GADD45B: variants seen among roughly 807,000 people sequenced by gnomAD.
The protein encoded by GADD45B is growth arrest and DNA damage-inducible protein GADD45 beta.
Under a neutral mutation model 15.2 loss-of-function variants are expected in GADD45B, and 8 were observed. The observed-to-expected ratio is 0.53, with a 90% CI of 0.31 to 0.95. The LOEUF (loss-of-function observed/expected upper bound fraction) is 0.95. Among genes scored for constraint, GADD45B ranks in the 40% least tolerant of loss-of-function variants. The probability of loss-of-function intolerance (pLI) is 0.05; values close to 1 mark genes in which losing one functional copy is unlikely to be tolerated. For missense variants in GADD45B, 162 were observed against 216.6 expected (o/e 0.75, Z 1.58); for synonymous variants, 100 against 89.8 (o/e 1.11, Z -0.64).
Position 2,476,313 on chromosome 19 carries a change from T to G in GADD45B, c.-46T>G. 1.2e-6 allele frequency: 2 copies of G among 1,603,828 alleles called. No individual in the cohort carries two copies. Among genetic ancestry groups the G allele is most frequent in the South Asian group, 1.1e-5 (1 of 90,856 alleles). ...TGGCTCGGATTTTGCAATTTCTCCC[T>G]GGGGACTGCCGTGGAGCCGCATCCA... is the stretch of plus-strand genomic sequence containing the variant. On this transcript the variant is annotated 5_prime_UTR_variant, in exon 1 of 4. Transcript: ENST00000215631.
chr19:2,476,357 A>G lies in GADD45B; in HGVS notation c.-2A>G, dbSNP rs562360022. The G allele has an allele frequency of 3.1e-6, 5 of 1,613,878 alleles. No homozygotes were observed. The highest frequency in any genetic ancestry group is 4.2e-6 in the Non-Finnish European group (5 of 1,179,980). Reference sequence around the variant, plus strand: ...GCATCCACTGTGGATTATAATTGCAACATGACGCTGGAAGAGCTCGTGGCG... The same window carrying G: ...GCATCCACTGTGGATTATAATTGCAGCATGACGCTGGAAGAGCTCGTGGCG... On this transcript the variant is annotated 5_prime_UTR_variant, in exon 1 of 4. Transcript: ENST00000215631.
chr19:2,477,449 AG>A lies in GADD45B; in HGVS notation c.370-36del. 1.4e-6 allele frequency: 2 copies of A among 1,393,850 alleles called. No homozygotes were observed. The highest frequency in any genetic ancestry group is 2.0e-6 in the Non-Finnish European group (2 of 986,818). The allele number at this position is 1,393,850 out of a possible 1,614,324, so 86.3% of individuals were successfully genotyped here. On this transcript the variant is annotated intron_variant, in intron 3 of 3. Coordinates refer to ENST00000215631, the MANE Select transcript of GADD45B (RefSeq NM_015675.4). The surrounding 1 kb of genome is among the most constrained non-coding windows in gnomAD (Gnocchi z 4.2). ...TTTCCCCACACAGGGGCCCCGGGAG[AG>A]GGAGGCTCCACTAAACCCCTTCTTT... is the stretch of plus-strand genomic sequence containing the variant.
In GADD45B at chr19:2,477,726, G is replaced by A. The variant is rs1472695205; in HGVS notation, c.*125G>A. 10 of 568,938 alleles carry A rather than the reference G, an allele frequency of 1.8e-5. No homozygotes were observed. Among genetic ancestry groups the A allele is most frequent in the African/African-American group, 5.7e-5 (3 of 52,370 alleles). 35.2% of individuals were successfully genotyped at this position (568,938 alleles called of 1,614,324 possible). A position where few individuals can be genotyped will look rare whatever the true frequency, so the allele number is the denominator to read the frequency against. On this transcript the variant is annotated 3_prime_UTR_variant, in exon 4 of 4. Coordinates refer to ENST00000215631, the MANE Select transcript of GADD45B (RefSeq NM_015675.4). This position sits in a 1 kb window ranked among gnomAD's most constrained non-coding sequence, Gnocchi z 4.2. ...ACCCAACCCACGAGGACCATCGGGGGCAGAGTCGTTGGAGACTGAAGAGGA... is the reference window on the plus strand; with the variant it reads ...ACCCAACCCACGAGGACCATCGGGGACAGAGTCGTTGGAGACTGAAGAGGA...
rs1972314808 is a variant in GADD45B at position 2,476,461 on chromosome 19, GC to G, written c.44+61del. On this transcript the variant is annotated intron_variant, in intron 1 of 3. Coordinates refer to ENST00000215631, the MANE Select transcript of GADD45B (RefSeq NM_015675.4). ...GCCGGGACGGGATGGGTCGGGTTGGGCCGGGCCGGGAGCGGAACGTAGCACC... is the reference window on the plus strand; with the variant it reads ...GCCGGGACGGGATGGGTCGGGTTGGGCGGGCCGGGAGCGGAACGTAGCACC... 26 of 1,603,040 alleles carry G rather than the reference GC, an allele frequency of 1.6e-5. No homozygotes were observed. In the South Asian group the frequency reaches 2.4e-4, roughly 15 times the overall value.
In GADD45B at chr19:2,477,823, G is replaced by C. The variant is rs1972341899; in HGVS notation, c.*222G>C. ...TCCAGGAGCTGGCGGCCGCCGATCC[G>C]ATGGAGAAGGGGGGACCCAGGCCAG... is the stretch of plus-strand genomic sequence containing the variant. On this transcript the variant is annotated 3_prime_UTR_variant, in exon 4 of 4. Coordinates refer to ENST00000215631, the MANE Select transcript of GADD45B (RefSeq NM_015675.4). This position sits in a 1 kb window ranked among gnomAD's most constrained non-coding sequence, Gnocchi z 4.2. 7.2e-6 allele frequency: 3 copies of C among 415,084 alleles called. No individual in the cohort carries two copies. Among genetic ancestry groups the C allele is most frequent in the Non-Finnish European group, 1.3e-5 (3 of 223,540 alleles). 25.7% of individuals were successfully genotyped at this position (415,084 alleles called of 1,614,324 possible). A position where few individuals can be genotyped will look rare whatever the true frequency, so the allele number is the denominator to read the frequency against.
rs144556033 is a variant in GADD45B, at chr19:2,477,502, C to T, written c.384C>T (p.Asp128=). 1.9e-4 allele frequency: 300 copies of T among 1,612,178 alleles called. 2 individuals are homozygous for T. In the African/African-American group the frequency reaches 3.7e-3, roughly 20 times the overall value. The part of the protein sequence containing the change: ...HCLLVTNPHT[D]AWKSHGLVEV... ...CCCTCCTACAGAACCCTCACACGGA[C>T]GCCTGGAAGAGCCACGGCTTGGTGG... is the stretch of plus-strand genomic sequence containing the variant. Residue 128 remains aspartate, a synonymous_variant, in exon 4 of 4, where the codon GAC becomes GAT. Coordinates refer to ENST00000215631, the MANE Select transcript of GADD45B (RefSeq NM_015675.4). The surrounding 1 kb of genome is among the most constrained non-coding windows in gnomAD (Gnocchi z 4.2).
chr19:2,477,565 C>A lies in GADD45B; in HGVS notation c.447C>A (p.Asn149Lys). 6.2e-7 allele frequency: 1 copy of A among 1,612,018 alleles called. No individual in the cohort carries two copies. Among genetic ancestry groups the A allele is most frequent in the Non-Finnish European group, 8.5e-7 (1 of 1,178,140 alleles). Residue 149 changes from asparagine (N) to lysine (K), a missense_variant, in exon 4 of 4, where the codon AAC becomes AAA. Asn to Lys is a moderately conservative substitution (Grantham distance 94). Transcript: ENST00000215631. This position sits in a 1 kb window ranked among gnomAD's most constrained non-coding sequence, Gnocchi z 4.2. The part of the protein sequence containing the change: ...ASYCEESRGN[N>K]QWVPYISLQE... Reference sequence around the variant, plus strand: ...ACTGCGAAGAAAGCCGGGGCAACAACCAGTGGGTCCCCTACATCTCTCTTC... The same window carrying A: ...ACTGCGAAGAAAGCCGGGGCAACAAACAGTGGGTCCCCTACATCTCTCTTC...
Position 2,476,149 on chromosome 19 carries a change from C to G in GADD45B, c.-210C>G. ...CTCAGATCGCCGAAGCGTCGGACTACCGTTGGTTTCCGCAACTTCCTGGAT... is the reference window on the plus strand; with the variant it reads ...CTCAGATCGCCGAAGCGTCGGACTAGCGTTGGTTTCCGCAACTTCCTGGAT... On this transcript the variant is annotated 5_prime_UTR_variant, in exon 1 of 4. Coordinates refer to ENST00000215631, the MANE Select transcript of GADD45B (RefSeq NM_015675.4). The G allele has an allele frequency of 3.3e-6, 2 of 609,476 alleles. No individual in the cohort carries two copies. The highest frequency in any genetic ancestry group is 2.9e-6 in the Non-Finnish European group (1 of 341,662). 37.8% of individuals were successfully genotyped at this position (609,476 alleles called of 1,614,324 possible). A position where few individuals can be genotyped will look rare whatever the true frequency, so the allele number is the denominator to read the frequency against.
chr19:2,477,138 G>A lies in GADD45B; in HGVS notation c.256G>A (p.Asp86Asn). 6.2e-7 allele frequency: 1 copy of A among 1,613,814 alleles called. No individual in the cohort carries two copies. Among genetic ancestry groups the A allele is most frequent in the Non-Finnish European group, 8.5e-7 (1 of 1,179,924 alleles). ...TLIQSFCCDN[D>N]INIVRVSGMQ... The stretch of plus-strand genomic sequence containing the variant: ...CATCCAGTCCTTCTGCTGTGACAAC[G>A]ACATCAACATCGTGCGGGTGTCGGG... Residue 86 changes from aspartate to asparagine, a missense_variant, in exon 3 of 4, where the codon GAC becomes AAC. By Grantham distance (23) the Asp-to-Asn change is conservative. Transcript: ENST00000215631. The surrounding 1 kb of genome is among the most constrained non-coding windows in gnomAD (Gnocchi z 4.2).
At position 2,477,384 on chromosome 19, in the gene GADD45B, GGGGC is replaced by G; in HGVS notation, c.370-103_370-100del. 1 of 1,006,898 alleles carries G rather than the reference GGGGC, an allele frequency of 9.9e-7. No homozygotes were observed. Among genetic ancestry groups the G allele is most frequent in the Non-Finnish European group, 1.5e-6 (1 of 676,162 alleles). 62.4% of individuals were successfully genotyped at this position (1,006,898 alleles called of 1,614,324 possible). A position where few individuals can be genotyped will look rare whatever the true frequency, so the allele number is the denominator to read the frequency against. On this transcript the variant is annotated intron_variant, in intron 3 of 3. Coordinates refer to ENST00000215631, the MANE Select transcript of GADD45B (RefSeq NM_015675.4). The surrounding 1 kb of genome is among the most constrained non-coding windows in gnomAD (Gnocchi z 4.2). ...GGCATGTCCCGTGGGCAGCCGGGCT[GGGGC>G]CTCCTCACCCAGGAAGCTATTTTGA...
At position 2,476,415 on chromosome 19, in the gene GADD45B, G is replaced by A. The variant is rs567433567; in HGVS notation, c.44+13G>A. 33 of 1,612,944 alleles carry A rather than the reference G, an allele frequency of 2.0e-5. No individual in the cohort carries two copies. The highest frequency in any genetic ancestry group is 1.7e-4 in the Middle Eastern group (1 of 6,058). On this transcript the variant is annotated intron_variant, in intron 1 of 3. Transcript: ENST00000215631. The stretch of plus-strand genomic sequence containing the variant: ...ACGCGGCGCAGAAGTAAGTAGCCGG[G>A]GCTGCCGCCGCCTGAGGTCAGCCGG...
chr19:2,476,520 T>A lies in GADD45B; in HGVS notation c.45-9T>A. On this transcript the variant is annotated splice_polypyrimidine_tract_variant and intron_variant, in intron 1 of 3. Transcript: ENST00000215631. The stretch of plus-strand genomic sequence containing the variant: ...CCGCCCGTCACTGATCCCTCTTTCC[T>A]GGTCTCAGGATGCAGACGGTGACCG... The A allele has an allele frequency of 6.2e-7, 1 of 1,607,012 alleles. No individual in the cohort carries two copies. The highest frequency in any genetic ancestry group is 8.5e-7 in the Non-Finnish European group (1 of 1,175,006).
Position 2,476,276 on chromosome 19 carries a change from T to C in GADD45B, c.-83T>C. 7.4e-7 allele frequency: 1 copy of C among 1,353,238 alleles called. No individual in the cohort carries two copies. The highest frequency in any genetic ancestry group is 1.1e-6 in the Non-Finnish European group (1 of 943,448). 83.8% of individuals were successfully genotyped at this position (1,353,238 alleles called of 1,614,324 possible). A position where few individuals can be genotyped will look rare whatever the true frequency, so the allele number is the denominator to read the frequency against. ...CGAGCGCTCTAGCTCTGTGGGAAGG[T>C]TTTGGGCTCTCTGGCTCGGATTTTG... On this transcript the variant is annotated 5_prime_UTR_variant, in exon 1 of 4. Transcript: ENST00000215631.
rs1599353760 is a variant in GADD45B, at chr19:2,476,895, G to A, written c.147-134G>A. 5 of 623,100 alleles carry A rather than the reference G, an allele frequency of 8.0e-6. No homozygotes were observed. In the Admixed American group the frequency reaches 8.5e-5, roughly 11 times the overall value. 38.6% of individuals were successfully genotyped at this position (623,100 alleles called of 1,614,324 possible). On this transcript the variant is annotated intron_variant, in intron 2 of 3. Transcript: ENST00000215631. ...CCCTCCCCTCCCCCCACCGTCACCA[G>A]CTTGCAGAGGCAATCCCCTGCACCC...
At position 2,477,227 on chromosome 19, in the gene GADD45B, A is replaced by T; in HGVS notation, c.345A>T (p.Arg115=). The T allele has an allele frequency of 6.3e-7, 1 of 1,593,804 alleles. No individual in the cohort carries two copies. The highest frequency in any genetic ancestry group is 8.5e-7 in the Non-Finnish European group (1 of 1,173,344). The part of the protein sequence containing the change: ...PAETQGTTEA[R]DLHCLLVTNP... ...AGACCCAGGGCACCACCGAGGCCCGAGACCTGCATTGTCTCCTGGTCACGG... is the reference window on the plus strand; with the variant it reads ...AGACCCAGGGCACCACCGAGGCCCGTGACCTGCATTGTCTCCTGGTCACGG... The change falls in exon 3 of 4, where the codon CGA becomes CGT. Residue 115 remains arginine (R), a synonymous_variant. Coordinates refer to ENST00000215631, the MANE Select transcript of GADD45B (RefSeq NM_015675.4). This position sits in a 1 kb window ranked among gnomAD's most constrained non-coding sequence, Gnocchi z 4.2.
At position 2,477,452 on chromosome 19, in the gene GADD45B, G is replaced by C. The variant is rs769700186; in HGVS notation, c.370-36G>C. The C allele has an allele frequency of 7.1e-7, 1 of 1,414,184 alleles. No homozygotes were observed. The highest frequency in any genetic ancestry group is 1.0e-6 in the Non-Finnish European group (1 of 1,004,084). The allele number at this position is 1,414,184 out of a possible 1,614,324, so 87.6% of individuals were successfully genotyped here. On this transcript the variant is annotated intron_variant, in intron 3 of 3. Coordinates refer to ENST00000215631, the MANE Select transcript of GADD45B (RefSeq NM_015675.4). This position sits in a 1 kb window ranked among gnomAD's most constrained non-coding sequence, Gnocchi z 4.2. The stretch of plus-strand genomic sequence containing the variant: ...CCCCACACAGGGGCCCCGGGAGAGG[G>C]AGGCTCCACTAAACCCCTTCTTTTC...
chr19:2,476,764 C>T (rs939642617), intron 2 of GADD45B, 134 bp downstream of exon 2: 4 of 641,766 alleles, frequency 6.2e-6, no homozygotes, highest in South Asian at 1.9e-5. Context: ...TGCAGAGCTT[C>T]TCTGCCGTTT....
At position 2,476,257 on chromosome 19, in the gene GADD45B, C is replaced by T; in HGVS notation, c.-102C>T. On this transcript the variant is annotated 5_prime_UTR_variant, in exon 1 of 4. Coordinates refer to ENST00000215631, the MANE Select transcript of GADD45B (RefSeq NM_015675.4). The stretch of plus-strand genomic sequence containing the variant: ...GCTTCCCGAAGGTCTTGGACGAGCG[C>T]TCTAGCTCTGTGGGAAGGTTTTGGG... 1 of 1,112,624 alleles carries T rather than the reference C, an allele frequency of 9.0e-7. No individual in the cohort carries two copies. The allele number at this position is 1,112,624 out of a possible 1,614,324, so 68.9% of individuals were successfully genotyped here.
chr19:2,476,245 C>T lies in GADD45B; in HGVS notation c.-114C>T. On this transcript the variant is annotated 5_prime_UTR_variant, in exon 1 of 4. Transcript: ENST00000215631. ...AAGGATTTCGCTGCTTCCCGAAGGT[C>T]TTGGACGAGCGCTCTAGCTCTGTGG... The T allele has an allele frequency of 2.1e-6, 2 of 974,792 alleles. No homozygotes were observed. Among genetic ancestry groups the T allele is most frequent in the Admixed American group, 1.7e-5 (1 of 58,068 alleles). 60.4% of individuals were successfully genotyped at this position (974,792 alleles called of 1,614,324 possible). A position where few individuals can be genotyped will look rare whatever the true frequency, so the allele number is the denominator to read the frequency against.
Sources: gnomAD v4.1 joint callset for allele counts on GRCh38, gnomAD v4.1.1 for gene constraint, Gnocchi (gnomAD v3.1) non-coding constraint, MANE v1.5 for transcripts, NCBI Gene and HGNC (gene_info 2026-07-23, HGNC 2026-07-21) for gene names.